NKAIN2: variants seen among roughly 807,000 people sequenced by gnomAD.
The protein encoded by NKAIN2 is sodium/potassium transporting ATPase interacting 2.
Under a neutral mutation model 32.6 loss-of-function variants are expected in NKAIN2, and 14 were observed. The ratio of observed to expected loss-of-function variants is 0.43; its 90% CI spans 0.28 to 0.67. The LOEUF (loss-of-function observed/expected upper bound fraction) is 0.67, where lower values mean the gene tolerates loss of function less well. NKAIN2 is among the 30% of genes least tolerant of loss of function. The probability of loss-of-function intolerance (pLI) is 0.17; values close to 1 mark genes in which losing one functional copy is unlikely to be tolerated. For missense variants in NKAIN2, 198 were observed against 258.3 expected (o/e 0.77, Z 1.60); for synonymous variants, 80 against 87.2 (o/e 0.92, Z 0.46).
intron 1 of NKAIN2, among the ~76,000 whole-genome samples, chr6:124,272,769 A>G (rs767391055): frequency 2.6e-5 from 4 of 152,204 alleles, no homozygotes; most frequent in Non-Finnish European, 5.9e-5. Context: ...TGTACCCTGT[A>G]GTGCACAGGG....
rs913892020 is a variant in NKAIN2, at chr6:123,905,747, G to A, written c.54+101493G>A. On this transcript the variant is annotated intron_variant, in intron 1 of 6. Transcript: ENST00000368417. Reference sequence around the variant, plus strand: ...AGAATATCTGGGAAACACTACCAATGGGGATGGAAGTGAACCAGTTTTACC... The same window carrying A: ...AGAATATCTGGGAAACACTACCAATAGGGATGGAAGTGAACCAGTTTTACC... Among the ~76,000 whole-genome samples the A allele has an allele frequency of 2.6e-5, 4 of 152,236 alleles. 1 individual carries two copies. The highest frequency in any genetic ancestry group is 2.0e-4 in the Admixed American group (3 of 15,286).
At chr6:123,929,162 T>C (rs1776140011) in intron 1 of NKAIN2, among the ~76,000 whole-genome samples, 1 of 152,156 alleles carries the variant, frequency 6.6e-6, no homozygotes, top group Admixed American at 6.6e-5. Flanking sequence ...ATTTATTAGT[T>C]GCATGTATAT....
At chr6:123,954,554 T>C (rs1777477890) in intron 1 of NKAIN2, among the ~76,000 whole-genome samples, 1 of 152,214 alleles carries the variant, frequency 6.6e-6, no homozygotes, top group African/African-American at 2.4e-5. Flanking sequence ...TCTTAGATGA[T>C]TGTATTTGAA....
intron 2 of NKAIN2, among the ~76,000 whole-genome samples, chr6:124,284,140 C>G (rs1795440330): frequency 6.6e-6 from 1 of 152,210 alleles, no homozygotes; most frequent in Non-Finnish European, 1.5e-5. Flanking sequence ...GGTGCATGCC[C>G]AGCCTCCAGT....
intron 3 of NKAIN2, among the ~76,000 whole-genome samples, chr6:124,595,222 G>C (rs746959986): frequency 5.3e-5 from 8 of 152,136 alleles, no homozygotes; most frequent in African/African-American, 1.9e-4. Flanking sequence ...TCCCATGATC[G>C]TTGCTCAGAT....
At chr6:124,330,600 A>T (rs1194435467) in intron 2 of NKAIN2, among the ~76,000 whole-genome samples, 1 of 152,346 alleles carries the variant, frequency 6.6e-6, no homozygotes, top group South Asian at 2.1e-4. Flanking sequence ...TTCCTGAGCA[A>T]GAACTTGACT....
At chr6:124,716,395 C>CA (rs2114619633) in intron 4 of NKAIN2, among the ~76,000 whole-genome samples, 1 of 152,258 alleles carries the variant, frequency 6.6e-6, no homozygotes, top group South Asian at 2.1e-4. Flanking sequence ...CAAGATGTGG[C>CA]ATGGAGAGCA....
intron 1 of NKAIN2, among the ~76,000 whole-genome samples, chr6:123,833,726 T>TGTGTGTGTGTG (rs1554211809): frequency 1.3e-5 from 2 of 150,240 alleles, no homozygotes; most frequent in Middle Eastern, 3.4e-3. Context: ...TGTGTGTGTG[T>TGTGTGTGTGTG]TTCCTGTGGA....
At chr6:124,072,265 A>T (rs1783498046) in intron 1 of NKAIN2, among the ~76,000 whole-genome samples, 1 of 152,132 alleles carries the variant, frequency 6.6e-6, no homozygotes, top group South Asian at 2.1e-4. Flanking sequence ...TATAAGTGGG[A>T]GCTAGACACT....
At chr6:124,782,725 C>T (rs144645728) in intron 4 of NKAIN2, among the ~76,000 whole-genome samples, 4 of 151,936 alleles carry the variant, frequency 2.6e-5, no homozygotes, top group African/African-American at 9.7e-5. Flanking sequence ...CCCCAAAGAG[C>T]TATGTAGTGA....
At chr6:124,712,809 C>A (rs1338646689) in intron 4 of NKAIN2, among the ~76,000 whole-genome samples, 1 of 151,952 alleles carries the variant, frequency 6.6e-6, no homozygotes, top group East Asian at 1.9e-4. Context: ...TGTTCCTATT[C>A]GGCCATCTTG....
At chr6:123,835,847 G>A (rs967821965) in intron 1 of NKAIN2, among the ~76,000 whole-genome samples, 8 of 152,032 alleles carry the variant, frequency 5.3e-5, no homozygotes, top group African/African-American at 1.9e-4. Context: ...TCCCCCTGAG[G>A]TTCATGGTTG....
intron 4 of NKAIN2, among the ~76,000 whole-genome samples, chr6:124,775,205 G>GA (rs1183841130): frequency 2.0e-5 from 3 of 152,138 alleles, no homozygotes; most frequent in African/African-American, 7.2e-5. Context: ...TGGGAGTGAG[G>GA]AAAAAAGCAG....
At chr6:124,519,460 G>T (rs765622533) in intron 3 of NKAIN2, among the ~76,000 whole-genome samples, 9 of 152,136 alleles carry the variant, frequency 5.9e-5, no homozygotes, top group Non-Finnish European at 1.3e-4. Context: ...GAGAGGATTT[G>T]TGAAATTTGT....
At chr6:124,271,318 G>A (rs531450033) in intron 1 of NKAIN2, among the ~76,000 whole-genome samples, 9 of 152,220 alleles carry the variant, frequency 5.9e-5, no homozygotes, top group East Asian at 1.9e-4. Flanking sequence ...CCGGGTTCAC[G>A]CCATTCTCCT....
intron 3 of NKAIN2, among the ~76,000 whole-genome samples, chr6:124,594,793 A>G (rs966120065): frequency 3.3e-5 from 5 of 152,134 alleles, no homozygotes; most frequent in Non-Finnish European, 5.9e-5. Flanking sequence ...GAGGAGGGAA[A>G]TAACTGACTT....
chr6:124,384,820 G>C (rs938610039), intron 3 of NKAIN2, among the ~76,000 whole-genome samples: 2 of 151,994 alleles, frequency 1.3e-5, no homozygotes, highest in East Asian at 3.9e-4. Context: ...GCGGGGTTTT[G>C]CCATGTTGCC....
chr6:123,932,652 T>C (rs1485703728), intron 1 of NKAIN2, among the ~76,000 whole-genome samples: 1 of 151,880 alleles, frequency 6.6e-6, no homozygotes, highest in Non-Finnish European at 1.5e-5. Context: ...CTCCTGACCT[T>C]GTGATCTGCC....
intron 3 of NKAIN2, among the ~76,000 whole-genome samples, chr6:124,560,933 T>C (rs781447152): frequency 1.3e-5 from 2 of 152,146 alleles, no homozygotes; most frequent in Non-Finnish European, 2.9e-5. Context: ...GCTGCAGAGG[T>C]AGGCAGATGA....
Sources: gnomAD v4.1 joint callset for allele counts (sites outside exome capture counted in the v4.1 genomes callset) on GRCh38, gnomAD v4.1.1 for gene constraint, MANE v1.5 for transcripts, NCBI Gene and HGNC (gene_info 2026-07-23, HGNC 2026-07-21) for gene names.